MYRIP: variants seen among roughly 807,000 people sequenced by gnomAD.
MYRIP encodes the protein rab effector MyRIP.
Under a neutral mutation model 98.0 loss-of-function variants are expected in MYRIP, and 49 were observed. That is an observed-to-expected ratio of 0.50 (90% CI 0.40 to 0.63). MYRIP has a LOEUF of 0.63. MYRIP is among the 30% of genes least tolerant of loss of function. The pLI is 0.00. For synonymous variants in MYRIP, 404 were observed against 409.5 expected (o/e 0.99, Z 0.16); for missense variants, 1,004 against 1,058.2 (o/e 0.95, Z 0.71).
At chr3:39,993,803 TG>T (rs1224432256) in intron 2 of MYRIP, among the ~76,000 whole-genome samples, 1 of 152,232 alleles carries the variant, frequency 6.6e-6, no homozygotes, top group Non-Finnish European at 1.5e-5. Flanking sequence ...TAATTCTCTG[TG>T]TTTCAGGGTC....
chr3:40,246,152 T>G (rs1364428502), intron 13 of MYRIP, among the ~76,000 whole-genome samples: 2 of 151,620 alleles, frequency 1.3e-5, no homozygotes, highest in African/African-American at 4.9e-5. Context: ...ATGACTGAAG[T>G]GAGTCTCAAT....
intron 2 of MYRIP, among the ~76,000 whole-genome samples, chr3:39,994,879 C>T (rs1354730454): frequency 6.6e-6 from 1 of 152,196 alleles, no homozygotes; most frequent in Non-Finnish European, 1.5e-5. Flanking sequence ...TTGCTGTTCA[C>T]CAATATCTGC....
rs1251493731 is a variant in MYRIP at position 39,866,975 on chromosome 3, C to T, written c.-30-33812C>T. Among the ~76,000 whole-genome samples, 3 of 152,236 alleles carry T rather than the reference C, an allele frequency of 2.0e-5. No individual in the cohort carries two copies. In the East Asian group the frequency reaches 5.8e-4, roughly 29 times the overall value. On this transcript the variant is annotated intron_variant, in intron 1 of 16. Coordinates refer to ENST00000302541, the MANE Select transcript of MYRIP (RefSeq NM_015460.4). ...CAACAGTATAGTACTGACATAAAAA[C>T]CAGTTCATAGACCAGTGGAACAGAA...
intron 4 of MYRIP, among the ~76,000 whole-genome samples, chr3:40,161,116 G>T (rs959601754): frequency 2.0e-5 from 3 of 152,116 alleles, no homozygotes; most frequent in Admixed American, 6.5e-5. Context: ...TTTTAAAAAT[G>T]CTGAGCCACA....
intron 4 of MYRIP, among the ~76,000 whole-genome samples, chr3:40,160,540 C>A (rs1040895307): frequency 6.6e-6 from 1 of 152,240 alleles, no homozygotes; most frequent in African/African-American, 2.4e-5. Flanking sequence ...AGTTTCCTGG[C>A]TGCTTTGTTT....
intron 2 of MYRIP, among the ~76,000 whole-genome samples, chr3:39,932,311 G>A (rs533569644): frequency 6.6e-6 from 1 of 152,234 alleles, no homozygotes; most frequent in South Asian, 2.1e-4. Context: ...TTTGGAAGAT[G>A]CCTCCAAAGT....
At chr3:40,179,576 T>G (rs1950841819) in intron 8 of MYRIP, among the ~76,000 whole-genome samples, 1 of 152,220 alleles carries the variant, frequency 6.6e-6, no homozygotes, top group African/African-American at 2.4e-5. Context: ...GCTTGTAGAT[T>G]TTTTTTAAAG....
intron 2 of MYRIP, among the ~76,000 whole-genome samples, chr3:39,980,765 T>C (rs1945873994): frequency 6.6e-6 from 1 of 152,214 alleles, no homozygotes; most frequent in Middle Eastern, 3.2e-3. Flanking sequence ...ATTTGATCAG[T>C]GTATGTTGAG....
At chr3:39,994,002 A>G (rs1464788538) in intron 2 of MYRIP, among the ~76,000 whole-genome samples, 1 of 152,222 alleles carries the variant, frequency 6.6e-6, no homozygotes, top group Non-Finnish European at 1.5e-5. Flanking sequence ...GTCTTTTCAA[A>G]CAAAATGGGG....
At chr3:39,919,733 A>T (rs1484638995) in intron 2 of MYRIP, among the ~76,000 whole-genome samples, 7 of 150,378 alleles carry the variant, frequency 4.7e-5, no homozygotes, top group Non-Finnish European at 7.4e-5. Context: ...TGTGTGAGAG[A>T]GAGAGAGAGA....
At chr3:39,911,664 C>A (rs1477101748) in intron 2 of MYRIP, among the ~76,000 whole-genome samples, 1 of 152,242 alleles carries the variant, frequency 6.6e-6, no homozygotes, top group Admixed American at 6.5e-5. Context: ...TTCTCACTTA[C>A]AGTAATTCAG....
At chr3:40,154,119 A>T (rs1187096873) in intron 4 of MYRIP, among the ~76,000 whole-genome samples, 1 of 150,172 alleles carries the variant, frequency 6.7e-6, no homozygotes, top group Non-Finnish European at 1.5e-5. Context: ...CAGCCTGGCA[A>T]TAGAGTGAGA....
In MYRIP at chr3:40,243,392, A is replaced by T. The variant is rs1055298945; in HGVS notation, c.2101-1054A>T. ...TTCTTTCCCTCACCAACACAGCATC[A>T]CTAAGTGTAAAAAAAAAAAAAAAAA... On this transcript the variant is annotated intron_variant, in intron 12 of 16. Coordinates refer to ENST00000302541, the MANE Select transcript of MYRIP (RefSeq NM_015460.4). Among the ~76,000 whole-genome samples the T allele has an allele frequency of 3.0e-5, 3 of 101,002 alleles. No homozygotes were observed. In the Admixed American group the frequency reaches 3.9e-4, roughly 13 times the overall value. 66.3% of individuals were successfully genotyped at this position (101,002 alleles called of 152,430 possible).
At chr3:40,231,404 C>T (rs1952653389) in intron 11 of MYRIP, among the ~76,000 whole-genome samples, 1 of 152,312 alleles carries the variant, frequency 6.6e-6, no homozygotes, top group South Asian at 2.1e-4. Context: ...AGAGCTGGCA[C>T]ACCATAGGTT....
At chr3:39,901,497 G>T (rs1943742705) in intron 2 of MYRIP, among the ~76,000 whole-genome samples, 1 of 152,244 alleles carries the variant, frequency 6.6e-6, no homozygotes, top group Admixed American at 6.5e-5. Flanking sequence ...CCCCATGAAA[G>T]GCTCTTGGAA....
chr3:39,888,490 A>G (rs1053702759), intron 1 of MYRIP, among the ~76,000 whole-genome samples: 2 of 152,150 alleles, frequency 1.3e-5, no homozygotes, highest in African/African-American at 4.8e-5. Flanking sequence ...AGAAAGCTGA[A>G]ACTGGATCCC....
chr3:40,190,777 C>T (rs946149184), intron 10 of MYRIP, among the ~76,000 whole-genome samples: 2 of 152,156 alleles, frequency 1.3e-5, no homozygotes, highest in African/African-American at 4.8e-5. Flanking sequence ...GGGACCCAGC[C>T]GTGTCTATTT....
At chr3:39,923,158 G>C (rs1944342032) in intron 2 of MYRIP, among the ~76,000 whole-genome samples, 1 of 152,138 alleles carries the variant, frequency 6.6e-6, no homozygotes, top group East Asian at 1.9e-4. Flanking sequence ...ACAACAGAGA[G>C]AAAGTAGAGT....
chr3:40,195,391 CAA>C (rs1951359415), intron 10 of MYRIP, among the ~76,000 whole-genome samples: 1 of 152,150 alleles, frequency 6.6e-6, no homozygotes, highest in South Asian at 2.1e-4. Context: ...CTTCTGTGCT[CAA>C]GAGACCCTCC....
Sources: gnomAD v4.1 joint callset for allele counts (sites outside exome capture counted in the v4.1 genomes callset) on GRCh38, gnomAD v4.1.1 for gene constraint, MANE v1.5 for transcripts, NCBI Gene and HGNC (gene_info 2026-07-23, HGNC 2026-07-21) for gene names.